Variants in GLYATL1 observed in about 807,000 individuals in gnomAD.
GLYATL1 encodes the protein glycine-N-acyltransferase like 1.
A neutral mutation model predicts 20.0 loss-of-function variants in GLYATL1; 15 were observed. That is an observed-to-expected ratio of 0.75 (90% CI 0.50 to 1.15). The LOEUF (loss-of-function observed/expected upper bound fraction) is 1.15. Ranked by LOEUF, GLYATL1 falls within the 50% of genes most tolerant of loss-of-function variation. The pLI is 0.00. For synonymous variants in GLYATL1, 151 were observed against 131.5 expected (o/e 1.15, Z -1.01); for missense variants, 380 against 368.5 (o/e 1.03, Z -0.26).
chr11:58,906,757 G>A (rs1854897923), intron 1 of GLYATL1, among the ~76,000 whole-genome samples: 1 of 152,210 alleles, frequency 6.6e-6, no homozygotes, highest in Non-Finnish European at 1.5e-5. Context: ...GTTTCTGTAA[G>A]CAAGCACAGC....
In GLYATL1 at chr11:58,955,728, G is replaced by A; in HGVS notation, c.610G>A (p.Asp204Asn). 2 of 1,614,198 alleles carry A rather than the reference G, an allele frequency of 1.2e-6. No individual in the cohort carries two copies. Among genetic ancestry groups the A allele is most frequent in the Non-Finnish European group, 1.7e-6 (2 of 1,180,036 alleles). The change falls in exon 7 of 7, where the codon GAC becomes AAC. Residue 204 changes from aspartate (D) to asparagine (N), a missense_variant. By Grantham distance (23) the Asp-to-Asn change is conservative. Coordinates refer to ENST00000532726, the MANE Select transcript of GLYATL1 (RefSeq NM_001389712.2). ...SLHYIKRCIE[D>N]LPAACMLGPE... is the part of the protein sequence containing the mutation. ...GCATTACATCAAGCGCTGCATAGAA[G>A]ACCTGCCAGCAGCCTGTATGCTCGG...
upstream of GLYATL1, among the ~76,000 whole-genome samples, chr11:58,925,565 T>C (rs1304149303): frequency 1.3e-5 from 2 of 152,200 alleles, no homozygotes; most frequent in Non-Finnish European, 1.5e-5. Context: ...CTAGTTTCTT[T>C]TTAAATCATT....
intron 1 of GLYATL1, among the ~76,000 whole-genome samples, chr11:58,916,210 G>A (rs1046100915): frequency 6.6e-6 from 1 of 152,136 alleles, no homozygotes; most frequent in African/African-American, 2.4e-5. Context: ...TTTTGGCATG[G>A]TGACTTTTCT....
chr11:58,945,382 G>A (rs1590798712), intron 2 of GLYATL1, among the ~76,000 whole-genome samples: 1 of 152,064 alleles, frequency 6.6e-6, no homozygotes, highest in East Asian at 1.9e-4. Context: ...CCAGGGTGGG[G>A]TCACAAGAGC....
intron 4 of GLYATL1, among the ~76,000 whole-genome samples, chr11:58,950,220 G>A (rs1856887653): frequency 6.6e-6 from 1 of 151,502 alleles, no homozygotes; most frequent in Non-Finnish European, 1.5e-5. Context: ...GAAACCGGGA[G>A]GCGGAGCTTG....
intron 1 of GLYATL1, among the ~76,000 whole-genome samples, chr11:58,932,484 C>T (rs975123687): frequency 6.6e-6 from 1 of 151,976 alleles, no homozygotes; most frequent in Non-Finnish European, 1.5e-5. Context: ...TGAGCATTTC[C>T]ACTTTTACAT....
chr11:58,955,187 A>C lies in GLYATL1; in HGVS notation c.325A>C (p.Ser109Arg). The change falls in exon 6 of 7, where the codon AGT becomes CGT. Residue 109 changes from serine to arginine, a missense_variant. Physicochemically the swap from Ser to Arg is moderately radical, Grantham distance 110. Coordinates refer to ENST00000532726, the MANE Select transcript of GLYATL1 (RefSeq NM_001389712.2). ...QRLQIQGLQESLGEGIRVATF... is the reference protein window; with the variant it reads ...QRLQIQGLQERLGEGIRVATF... ...GGCTTTCTTCCCAGGTCTTCAAGAA[A>C]GTTTAGGTGAGGGGATAAGAGTGGC... 2 of 1,611,918 alleles carry C rather than the reference A, an allele frequency of 1.2e-6. No homozygotes were observed. The highest frequency in any genetic ancestry group is 1.7e-6 in the Non-Finnish European group (2 of 1,179,396).
Position 58,955,751 on chromosome 11 carries a change from C to G in GLYATL1, c.633C>G (p.Leu211=). ...AAGACCTGCCAGCAGCCTGTATGCT[C>G]GGCCCAGAGGGAGTCCCGGTCTCAT... ...CIEDLPAACM[L]GPEGVPVSWV... is the part of the protein sequence containing the mutation. The change falls in exon 7 of 7, where the codon CTC becomes CTG. Residue 211 remains leucine, a synonymous_variant. Coordinates refer to ENST00000532726, the MANE Select transcript of GLYATL1 (RefSeq NM_001389712.2). 6.2e-7 allele frequency: 1 copy of G among 1,614,204 alleles called. No individual in the cohort carries two copies. Among genetic ancestry groups the G allele is most frequent in the Non-Finnish European group, 8.5e-7 (1 of 1,180,034 alleles).
intron 1 of GLYATL1, among the ~76,000 whole-genome samples, chr11:58,921,783 T>G (rs1470451383): frequency 6.6e-6 from 1 of 152,214 alleles, no homozygotes; most frequent in East Asian, 1.9e-4. Flanking sequence ...ATGTACACCT[T>G]GATAGCCACT....
chr11:58,939,789 T>G (rs1476798552), intron 1 of GLYATL1, 139 bp downstream of exon 1: 2 of 152,236 alleles, frequency 1.3e-5, no homozygotes, highest in African/African-American at 4.8e-5. Context: ...AGTATGGACA[T>G]TCTTGGGGGC....
intron 1 of GLYATL1, among the ~76,000 whole-genome samples, chr11:58,940,374 T>A (rs1471477848): frequency 6.6e-6 from 1 of 152,206 alleles, no homozygotes; most frequent in Non-Finnish European, 1.5e-5. Flanking sequence ...GACTGATGAG[T>A]TTCTATTTCA....
intron 4 of GLYATL1, among the ~76,000 whole-genome samples, chr11:58,950,429 CG>C (rs1300093463): frequency 2.0e-5 from 3 of 152,148 alleles, no homozygotes; most frequent in African/African-American, 7.2e-5. Context: ...TTAATAACTG[CG>C]GCATTTCATA....
At chr11:58,950,717 C>T (rs1489774893) in intron 4 of GLYATL1, among the ~76,000 whole-genome samples, 1 of 152,158 alleles carries the variant, frequency 6.6e-6, no homozygotes, top group Non-Finnish European at 1.5e-5. Flanking sequence ...CACATTCTCA[C>T]GAGCACTGAA....
At chr11:58,952,745 T>C (rs898919110) in intron 4 of GLYATL1, among the ~76,000 whole-genome samples, 5 of 152,196 alleles carry the variant, frequency 3.3e-5, no homozygotes, top group Admixed American at 6.5e-5. Context: ...TGTCTATTGT[T>C]CCTACATTTA....
intron 4 of GLYATL1, among the ~76,000 whole-genome samples, chr11:58,951,261 T>G (rs1430243850): frequency 6.6e-6 from 1 of 152,162 alleles, no homozygotes; most frequent in South Asian, 2.1e-4. Context: ...ATATTAATCT[T>G]CCTTATGGCT....
upstream of GLYATL1, among the ~76,000 whole-genome samples, chr11:58,924,788 C>CT (rs1453932571): frequency 2.0e-5 from 3 of 152,126 alleles, no homozygotes; most frequent in Non-Finnish European, 4.4e-5. Flanking sequence ...AGTACTGTTG[C>CT]TAAGGAACCC....
In GLYATL1 at chr11:58,947,940, T is replaced by C; in HGVS notation, c.161T>C (p.Met54Thr). The C allele has an allele frequency of 6.2e-7, 1 of 1,613,622 alleles. No homozygotes were observed. The highest frequency in any genetic ancestry group is 1.1e-5 in the South Asian group (1 of 91,070). The stretch of plus-strand genomic sequence containing the variant: ...GTGGATTCCTGGCCTGAATATCAGA[T>C]GGTTATTATCCGGCCTCAAAAGCAG... ...VLVDSWPEYQ[M>T]VIIRPQKQEM... Residue 54 changes from methionine (M) to threonine (T), a missense_variant, in exon 4 of 7, where the codon ATG becomes ACG. Coordinates refer to ENST00000532726, the MANE Select transcript of GLYATL1 (RefSeq NM_001389712.2).
At chr11:58,908,775 C>T (rs938168186), downstream of GLYATL1, among the ~76,000 whole-genome samples, 2 of 152,110 alleles carry the variant, frequency 1.3e-5, no homozygotes, top group Non-Finnish European at 2.9e-5. Flanking sequence ...GAGTAACAAA[C>T]AATATGGACA....
rs558628149 is a variant in GLYATL1 at position 58,945,696 on chromosome 11, C to T, written c.-42-1350C>T. Among the ~76,000 whole-genome samples, 29 of 151,710 alleles carry T rather than the reference C, an allele frequency of 1.9e-4. No individual in the cohort carries two copies. In the South Asian group the frequency reaches 5.8e-3, roughly 30 times the overall value. On this transcript the variant is annotated intron_variant, in intron 2 of 6. Transcript: ENST00000532726. ...TAGTTAAATCAGGTGAGAAACAGAG[C>T]AAAGAAAGCACTTGGAGATGGGGGG...
Sources: gnomAD v4.1 joint callset for allele counts (sites outside exome capture counted in the v4.1 genomes callset) on GRCh38, gnomAD v4.1.1 for gene constraint, MANE v1.5 for transcripts, NCBI Gene and HGNC (gene_info 2026-07-23, HGNC 2026-07-21) for gene names.